The following JAKMIP1 variants were observed in gnomAD, a reference collection of about 807,000 sequenced individuals.
JAKMIP1 encodes janus kinase and microtubule interacting protein 1, also known as janus kinase and microtubule-interacting protein 1.
JAKMIP1 carries 33 observed loss-of-function variants against 113.0 expected under a neutral mutation model. That is an observed-to-expected ratio of 0.29 (90% confidence interval 0.22 to 0.39). The LOEUF (loss-of-function observed/expected upper bound fraction) is 0.39, where lower values mean the gene tolerates loss of function less well. JAKMIP1 is among the 10% of genes least tolerant of loss of function. The probability of loss-of-function intolerance (pLI) is 1.00; values close to 1 mark genes in which losing one functional copy is unlikely to be tolerated. For missense variants in JAKMIP1, 813 were observed against 1,080.5 expected (o/e 0.75, Z 3.47); for synonymous variants, 480 against 459.9 (o/e 1.04, Z -0.56).
At position 6,183,793 on chromosome 4, in the gene JAKMIP1, G is replaced by T. The variant is rs1286507312; in HGVS notation, c.-148+16460C>A. Among the ~76,000 whole-genome samples, 1 of 152,176 alleles carries T rather than the reference G, an allele frequency of 6.6e-6. No homozygotes were observed. The highest frequency in any genetic ancestry group is 1.5e-5 in the Non-Finnish European group (1 of 68,028). The stretch of plus-strand genomic sequence containing the variant: ...CAGGTGAACACTCAGCTTTGTGCAG[G>T]GCTTGGGGGACAGCCTCTCCTGTCA... On this transcript the variant is annotated intron_variant, in intron 1 of 20. Transcript: ENST00000409021. This position sits in a 1 kb window ranked among gnomAD's most constrained non-coding sequence, Gnocchi z 5.3.
At position 6,088,986 on chromosome 4, in the gene JAKMIP1, A is replaced by C. The variant is rs558339490; in HGVS notation, c.625-3357T>G. Among the ~76,000 whole-genome samples, 1 of 152,328 alleles carries C rather than the reference A, an allele frequency of 6.6e-6. No individual in the cohort carries two copies. The highest frequency in any genetic ancestry group is 1.9e-4 in the East Asian group (1 of 5,188). The stretch of plus-strand genomic sequence containing the variant: ...ACCCAAATGTCCCTGTCCCAACAGT[A>C]ATTGCTTCAGGGATGGATGCACAAT... On this transcript the variant is annotated intron_variant, in intron 3 of 20. Transcript: ENST00000409021. This position sits in a 1 kb window ranked among gnomAD's most constrained non-coding sequence, Gnocchi z 5.5.
rs6817526 is a variant in JAKMIP1 at position 6,157,554 on chromosome 4, T to A, written c.-148+42699A>T. ...ACTAAGAATCCATCATTTTCCTAACTTTTTCATAAGCCACTGGCACAGACC... is the reference window on the plus strand; with the variant it reads ...ACTAAGAATCCATCATTTTCCTAACATTTTCATAAGCCACTGGCACAGACC... On this transcript the variant is annotated intron_variant, in intron 1 of 20. Coordinates refer to ENST00000409021, the MANE Select transcript of JAKMIP1 (RefSeq NM_001099433.2). This position sits in a 1 kb window ranked among gnomAD's most constrained non-coding sequence, Gnocchi z 4.7. Among the ~76,000 whole-genome samples the A allele has an allele frequency of 0.024, 3,635 of 152,286 alleles. 155 individuals are homozygous for A. Among genetic ancestry groups the A allele is most frequent in the African/African-American group, 0.083 (3,442 of 41,544 alleles).
Position 6,116,144 on chromosome 4 carries a change from T to A in JAKMIP1, c.-147-3147A>T, listed in dbSNP as rs1715741352. 6.6e-6 allele frequency among the ~76,000 whole-genome samples: 1 copy of A among 151,992 alleles called. No homozygotes were observed. The highest frequency in any genetic ancestry group is 2.1e-4 in the South Asian group (1 of 4,808). ...TCCAAAGTTCTGGGCCAAGTCAATCTCGGAGCTCAGGGTGGGCCCCAGCAG... is the reference window on the plus strand; with the variant it reads ...TCCAAAGTTCTGGGCCAAGTCAATCACGGAGCTCAGGGTGGGCCCCAGCAG... On this transcript the variant is annotated intron_variant, in intron 1 of 20. Transcript: ENST00000409021. This position sits in a 1 kb window ranked among gnomAD's most constrained non-coding sequence, Gnocchi z 5.1.
At chr4:6,030,031 T>C (rs1712395764) in intron 19 of JAKMIP1, among the ~76,000 whole-genome samples, 1 of 152,106 alleles carries the variant, frequency 6.6e-6, no homozygotes, top group South Asian at 2.1e-4. Context: ...TGTTCTGACT[T>C]CTATCACTAA....
chr4:6,147,918 T>C (rs1256032491), intron 1 of JAKMIP1, among the ~76,000 whole-genome samples: 1 of 152,238 alleles, frequency 6.6e-6, no homozygotes, highest in Non-Finnish European at 1.5e-5. Context: ...GCCTCCCCTC[T>C]GTATGGAGGA....
At chr4:6,164,254 C>A (rs1003021672) in intron 1 of JAKMIP1, among the ~76,000 whole-genome samples, 1 of 152,202 alleles carries the variant, frequency 6.6e-6, no homozygotes, top group African/African-American at 2.4e-5. Flanking sequence ...GAAGCCAATG[C>A]TCATTTCCCA....
intron 1 of JAKMIP1, among the ~76,000 whole-genome samples, chr4:6,163,135 T>C (rs1363917650): frequency 6.6e-6 from 1 of 152,246 alleles, no homozygotes; most frequent in African/African-American, 2.4e-5. Context: ...GTTAGTTTCC[T>C]GTGGCTGCTG....
At chr4:6,029,073 G>A (rs1712240875) in intron 20 of JAKMIP1, among the ~76,000 whole-genome samples, 1 of 152,188 alleles carries the variant, frequency 6.6e-6, no homozygotes, top group African/African-American at 2.4e-5. Flanking sequence ...TGTCTGCCTG[G>A]ACCAATGTCA....
Position 6,031,537 on chromosome 4 carries a change from G to C in JAKMIP1, c.2380-1756C>G, listed in dbSNP as rs1265314343. Among the ~76,000 whole-genome samples, 1 of 152,180 alleles carries C rather than the reference G, an allele frequency of 6.6e-6. No individual in the cohort carries two copies. The highest frequency in any genetic ancestry group is 2.4e-5 in the African/African-American group (1 of 41,450). On this transcript the variant is annotated intron_variant, in intron 19 of 20. Coordinates refer to ENST00000409021, the MANE Select transcript of JAKMIP1 (RefSeq NM_001099433.2). This position sits in a 1 kb window ranked among gnomAD's most constrained non-coding sequence, Gnocchi z 4.4. ...AGAGGGGAAAGGAATTCCAGGCAGAGGGAACGGCATGTGCAGGAGGCCAAG... is the reference window on the plus strand; with the variant it reads ...AGAGGGGAAAGGAATTCCAGGCAGACGGAACGGCATGTGCAGGAGGCCAAG...
chr4:6,050,552 G>A lies in JAKMIP1; in HGVS notation c.1908+26C>T. 1.3e-5 allele frequency: 20 copies of A among 1,520,658 alleles called. No homozygotes were observed. The highest frequency in any genetic ancestry group is 1.8e-5 in the Non-Finnish European group (20 of 1,118,662). The allele number at this position is 1,520,658 out of a possible 1,614,324, so 94.2% of individuals were successfully genotyped here. The stretch of plus-strand genomic sequence containing the variant: ...TGAGCGAGCCCTTGGCTGGCATTCA[G>A]CAGAGGCACCCCCCAGGCACGCTAC... On this transcript the variant is annotated intron_variant, in intron 14 of 20. Transcript: ENST00000409021. This position sits in a 1 kb window ranked among gnomAD's most constrained non-coding sequence, Gnocchi z 7.4.
rs1715636716 is a variant in JAKMIP1, at chr4:6,051,329, T to C, written c.1807-650A>G. 6.6e-6 allele frequency among the ~76,000 whole-genome samples: 1 copy of C among 152,006 alleles called. No individual in the cohort carries two copies. The highest frequency in any genetic ancestry group is 6.5e-5 in the Admixed American group (1 of 15,270). On this transcript the variant is annotated intron_variant, in intron 13 of 20. Transcript: ENST00000409021. The surrounding 1 kb of genome is among the most constrained non-coding windows in gnomAD (Gnocchi z 5.0). ...CCTCCACCTCCCGGGTTCAAGTGAT[T>C]CTCCTGCCTCAGCCTCCCAAGTAGC...
chr4:6,172,595 A>G (rs1724864559), intron 1 of JAKMIP1, among the ~76,000 whole-genome samples: 1 of 152,166 alleles, frequency 6.6e-6, no homozygotes, highest in Non-Finnish European at 1.5e-5. Context: ...GACATTGTGC[A>G]GGGACTGAAT....
rs1271726575 is a variant in JAKMIP1, at chr4:6,199,674, G to A, written c.-148+579C>T. ...GAGGGTGTGCGTGGCAGGGGCCGCG[G>A]CGGCGTGTGCCGTGCGTGGGGTGGG... On this transcript the variant is annotated intron_variant, in intron 1 of 20. Coordinates refer to ENST00000409021, the MANE Select transcript of JAKMIP1 (RefSeq NM_001099433.2). The surrounding 1 kb of genome is among the most constrained non-coding windows in gnomAD (Gnocchi z 5.6). Among the ~76,000 whole-genome samples the A allele has an allele frequency of 6.6e-6, 1 of 151,620 alleles. No homozygotes were observed. Among genetic ancestry groups the A allele is most frequent in the Non-Finnish European group, 1.5e-5 (1 of 67,850 alleles).
intron 1 of JAKMIP1, among the ~76,000 whole-genome samples, chr4:6,152,312 T>C (rs1249210810): frequency 1.3e-5 from 2 of 152,182 alleles, no homozygotes; most frequent in Admixed American, 1.3e-4. Context: ...CCTCACTCAC[T>C]CATCCAAGCC....
At position 6,064,832 on chromosome 4, in the gene JAKMIP1, C is replaced by T; in HGVS notation, c.1431+48G>A. The T allele has an allele frequency of 1.2e-6, 2 of 1,611,030 alleles. No homozygotes were observed. Among genetic ancestry groups the T allele is most frequent in the Non-Finnish European group, 1.7e-6 (2 of 1,178,496 alleles). The stretch of plus-strand genomic sequence containing the variant: ...ACTATCAAAAGCAGGAGGTGCCGCC[C>T]CGAGAGCATCTGGGGTGAGGTCCCG... On this transcript the variant is annotated intron_variant, in intron 9 of 20. Transcript: ENST00000409021. The surrounding 1 kb of genome is among the most constrained non-coding windows in gnomAD (Gnocchi z 4.3).
At position 6,084,827 on chromosome 4, in the gene JAKMIP1, G is replaced by A. The variant is rs747933346; in HGVS notation, c.954+19C>T. 3 of 1,608,318 alleles carry A rather than the reference G, an allele frequency of 1.9e-6. No homozygotes were observed. The highest frequency in any genetic ancestry group is 2.5e-6 in the Non-Finnish European group (3 of 1,178,320). ...CCTTGCACCCTATGAGGCACCGCCT[G>A]TCTCTTGGGGCTACTTACCAGTTCA... On this transcript the variant is annotated intron_variant, in intron 5 of 20. Transcript: ENST00000409021.
chr4:6,050,549 T>A lies in JAKMIP1; in HGVS notation c.1908+29A>T, dbSNP rs1715532390. The A allele has an allele frequency of 1.3e-6, 2 of 1,511,870 alleles. No homozygotes were observed. Among genetic ancestry groups the A allele is most frequent in the Admixed American group, 3.9e-5 (2 of 50,754 alleles). 93.7% of individuals were successfully genotyped at this position (1,511,870 alleles called of 1,614,324 possible). ...CACTGAGCGAGCCCTTGGCTGGCAT[T>A]CAGCAGAGGCACCCCCCAGGCACGC... On this transcript the variant is annotated intron_variant, in intron 14 of 20. Transcript: ENST00000409021. This position sits in a 1 kb window ranked among gnomAD's most constrained non-coding sequence, Gnocchi z 7.4.
At chr4:6,165,983 G>A (rs576312891) in intron 1 of JAKMIP1, among the ~76,000 whole-genome samples, 27 of 152,118 alleles carry the variant, frequency 1.8e-4, no homozygotes, top group African/African-American at 5.8e-4. Flanking sequence ...GGCATTTCTG[G>A]GTTCGCGGAC....
intron 1 of JAKMIP1, among the ~76,000 whole-genome samples, chr4:6,190,984 G>A (rs1394684327): frequency 6.6e-6 from 1 of 152,220 alleles, no homozygotes; most frequent in African/African-American, 2.4e-5. Flanking sequence ...AATCAGAGCT[G>A]GTGTGGGGCA....
Sources: allele counts gnomAD v4.1 joint callset (sites outside exome capture counted in the v4.1 genomes callset), GRCh38; gene constraint gnomAD v4.1.1; non-coding constraint Gnocchi (gnomAD v3.1); transcripts MANE v1.5; gene names NCBI Gene and HGNC (gene_info 2026-07-23, HGNC 2026-07-21).